CMTM7: variants seen among roughly 807,000 people sequenced by gnomAD.
CMTM7 encodes the protein CKLF like MARVEL transmembrane domain containing 7.
A neutral mutation model predicts 19.3 loss-of-function variants in CMTM7; 7 were observed. The ratio of observed to expected loss-of-function variants is 0.36; its 90% CI spans 0.21 to 0.68. The LOEUF (loss-of-function observed/expected upper bound fraction) is 0.68. Among genes scored for constraint, CMTM7 ranks in the 30% least tolerant of loss-of-function variants. The pLI, the probability that CMTM7 is intolerant of heterozygous loss-of-function variation, is 0.60. For synonymous variants in CMTM7, 87 were observed against 99.3 expected, an observed-to-expected ratio of 0.88 and a Z score of 0.74; for missense variants, 193 against 232.6, an observed-to-expected ratio of 0.83 and a Z score of 1.11.
intron 1 of CMTM7, among the ~76,000 whole-genome samples, chr3:32,403,672 C>T (rs1219678661): frequency 6.6e-6 from 1 of 152,168 alleles, no homozygotes; most frequent in Non-Finnish European, 1.5e-5. Flanking sequence ...ACCACTTGAG[C>T]TCTTAAAAGG....
Position 32,449,436 on chromosome 3 carries a change from C to A in CMTM7, c.334-18C>A. On this transcript the variant is annotated intron_variant, in intron 2 of 4. Transcript: ENST00000334983. The surrounding 1 kb of genome is among the most constrained non-coding windows in gnomAD (Gnocchi z 4.5). ...ATGGACGGCCCTACCCACTTATTTG[C>A]TTTGTTTCTGCCCCCAGGAACTTCT... 6.3e-7 allele frequency: 1 copy of A among 1,589,634 alleles called. No individual in the cohort carries two copies. Among genetic ancestry groups the A allele is most frequent in the Non-Finnish European group, 8.6e-7 (1 of 1,157,750 alleles).
intron 1 of CMTM7, among the ~76,000 whole-genome samples, chr3:32,408,155 AGGGAGC>A (rs1200515454): frequency 1.3e-5 from 2 of 152,216 alleles, no homozygotes; most frequent in Non-Finnish European, 1.5e-5. Context: ...GAGTCTCCGG[AGGGAGC>A]ACTGTCCTGC....
rs190577874 is a variant in CMTM7 at position 32,442,041 on chromosome 3, C to T, written c.333+28C>T. On this transcript the variant is annotated intron_variant, in intron 2 of 4. Coordinates refer to ENST00000334983, the MANE Select transcript of CMTM7 (RefSeq NM_138410.4). ...AAGAGAGTGGTCTGGCCCTGTCCTCCGCATGCACAAGTCAGGATGTTAGCT... is the reference window on the plus strand; with the variant it reads ...AAGAGAGTGGTCTGGCCCTGTCCTCTGCATGCACAAGTCAGGATGTTAGCT... The T allele has an allele frequency of 1.1e-3, 1,694 of 1,605,874 alleles. 2 individuals carry two copies. The highest frequency in any genetic ancestry group is 1.3e-3 in the Non-Finnish European group (1,534 of 1,173,630).
chr3:32,400,547 C>T (rs1391203719), intron 1 of CMTM7, among the ~76,000 whole-genome samples: 1 of 151,764 alleles, frequency 6.6e-6, no homozygotes, highest in Non-Finnish European at 1.5e-5. Context: ...TATGTGCCAC[C>T]ATGCCCAGCT....
In CMTM7 at chr3:32,391,973, G is replaced by C; in HGVS notation, c.67G>C (p.Gly23Arg). ...SSGSALGPGA[G>R]AAQPSASPLE... ...CGGCAGCGCGCTCGGACCCGGGGCC[G>C]GCGCGGCCCAGCCCAGCGCGAGCCC... is the stretch of plus-strand genomic sequence containing the variant. The change falls in exon 1 of 5, where the codon GGC becomes CGC. Residue 23 changes from glycine (G) to arginine (R), a missense_variant. Gly to Arg is a moderately radical substitution (Grantham distance 125). Transcript: ENST00000334983. The C allele has an allele frequency of 1.6e-6, 2 of 1,232,218 alleles. No homozygotes were observed. The highest frequency in any genetic ancestry group is 2.0e-6 in the Non-Finnish European group (2 of 986,734). The allele number at this position is 1,232,218 out of a possible 1,614,324, so 76.3% of individuals were successfully genotyped here. A position where few individuals can be genotyped will look rare whatever the true frequency, so the allele number is the denominator to read the frequency against.
intron 1 of CMTM7, among the ~76,000 whole-genome samples, chr3:32,408,036 G>T (rs1403335072): frequency 2.0e-5 from 3 of 152,168 alleles, no homozygotes; most frequent in Non-Finnish European, 4.4e-5. Flanking sequence ...GATTATATGG[G>T]TGGACCCTAA....
intron 1 of CMTM7, among the ~76,000 whole-genome samples, chr3:32,421,724 T>C (rs1696347245): frequency 6.6e-6 from 1 of 152,220 alleles, no homozygotes; most frequent in African/African-American, 2.4e-5. Context: ...ACACTGCACT[T>C]AGAGGAATCA....
intron 2 of CMTM7, among the ~76,000 whole-genome samples, chr3:32,448,088 C>T (rs1257845493): frequency 6.6e-6 from 1 of 152,138 alleles, no homozygotes; most frequent in Non-Finnish European, 1.5e-5. Context: ...GGGACAAGCA[C>T]AAGAGTGGGC....
intron 1 of CMTM7, among the ~76,000 whole-genome samples, chr3:32,426,498 A>G (rs1696435305): frequency 6.6e-6 from 1 of 152,198 alleles, no homozygotes; most frequent in African/African-American, 2.4e-5. Context: ...AAAGAGTCAC[A>G]GTTGACATTT....
intron 1 of CMTM7, among the ~76,000 whole-genome samples, chr3:32,422,114 G>C (rs1270924929): frequency 6.6e-6 from 1 of 152,148 alleles, no homozygotes; most frequent in African/African-American, 2.4e-5. Context: ...TCCTTCCCCA[G>C]GCCCCACAGG....
At chr3:32,433,063 C>T (rs934322843) in intron 1 of CMTM7, among the ~76,000 whole-genome samples, 1 of 152,130 alleles carries the variant, frequency 6.6e-6, no homozygotes, top group Non-Finnish European at 1.5e-5. Context: ...CCAAAAGAAA[C>T]CAGGAAATTG....
Position 32,449,572 on chromosome 3 carries a change from C to T in CMTM7, c.432+20C>T. 1 of 1,570,634 alleles carries T rather than the reference C, an allele frequency of 6.4e-7. No homozygotes were observed. Among genetic ancestry groups the T allele is most frequent in the Non-Finnish European group, 8.8e-7 (1 of 1,140,532 alleles). On this transcript the variant is annotated intron_variant, in intron 3 of 4. Transcript: ENST00000334983. This position sits in a 1 kb window ranked among gnomAD's most constrained non-coding sequence, Gnocchi z 4.5. ...GGAGCGGTGAGGATGTTTTGGGGAG[C>T]CTTTAGGAATGAATTCTTATTTAAA...
At chr3:32,421,468 C>T (rs1248943612) in intron 1 of CMTM7, among the ~76,000 whole-genome samples, 1 of 152,206 alleles carries the variant, frequency 6.6e-6, no homozygotes, top group African/African-American at 2.4e-5. Context: ...CTGCCAGAAG[C>T]CTCTGATTCC....
chr3:32,398,726 G>A (rs1695955076), intron 1 of CMTM7, among the ~76,000 whole-genome samples: 1 of 151,928 alleles, frequency 6.6e-6, no homozygotes, highest in South Asian at 2.1e-4. Context: ...GCTCATGCCT[G>A]TAATCTCAGC....
chr3:32,425,883 C>G (rs959223503), intron 1 of CMTM7, among the ~76,000 whole-genome samples: 4 of 152,092 alleles, frequency 2.6e-5, no homozygotes, highest in Non-Finnish European at 5.9e-5. Context: ...TGGTGGCTCA[C>G]GCCTGTAATC....
chr3:32,422,866 C>G (rs1178032840), intron 1 of CMTM7, among the ~76,000 whole-genome samples: 1 of 152,212 alleles, frequency 6.6e-6, no homozygotes, highest in Non-Finnish European at 1.5e-5. Context: ...TCATTTAGTA[C>G]AAAGCCTATT....
At chr3:32,413,471 T>C (rs78315093) in intron 1 of CMTM7, among the ~76,000 whole-genome samples, 2,098 of 152,320 alleles carry the variant, frequency 0.014, 46 homozygotes, top group African/African-American at 0.048. Context: ...TTAGAAGATA[T>C]TATTAACACA....
chr3:32,450,709 T>C (rs1387241742), intron 3 of CMTM7, among the ~76,000 whole-genome samples: 2 of 152,182 alleles, frequency 1.3e-5, no homozygotes, highest in African/African-American at 4.8e-5. Flanking sequence ...CCTGCCCAGC[T>C]ACAGTGCAGG....
At chr3:32,430,484 G>A (rs1477631346) in intron 1 of CMTM7, among the ~76,000 whole-genome samples, 2 of 152,122 alleles carry the variant, frequency 1.3e-5, no homozygotes, top group Non-Finnish European at 2.9e-5. Flanking sequence ...AGTTCTACAT[G>A]ACTTATTGAC....
Sources: allele counts gnomAD v4.1 joint callset (sites outside exome capture counted in the v4.1 genomes callset), GRCh38; gene constraint gnomAD v4.1.1; non-coding constraint Gnocchi (gnomAD v3.1); transcripts MANE v1.5; gene names NCBI Gene and HGNC (gene_info 2026-07-23, HGNC 2026-07-21).